Variants in SH3PXD2A observed in about 807,000 individuals in gnomAD.
SH3PXD2A encodes the protein SH3 and PX domain-containing protein 2A.
A neutral mutation model predicts 115.2 loss-of-function variants in SH3PXD2A; 32 were observed. The observed-to-expected ratio is 0.28, with a 90% confidence interval of 0.21 to 0.37. The LOEUF is 0.37. Among genes scored for constraint, SH3PXD2A ranks in the 10% least tolerant of loss-of-function variants. The probability of loss-of-function intolerance (pLI) is 1.00; values close to 1 mark genes in which losing one functional copy is unlikely to be tolerated. For synonymous variants in SH3PXD2A, 610 were observed against 629.1 expected, an observed-to-expected ratio of 0.97 and a Z score of 0.45; for missense variants, 1,328 against 1,498.7, an observed-to-expected ratio of 0.89 and a Z score of 1.88.
In SH3PXD2A at chr10:103,829,867, T is replaced by C. The variant is rs562457384; in HGVS notation, c.72+25328A>G. Among the ~76,000 whole-genome samples the C allele has an allele frequency of 3.3e-5, 5 of 152,380 alleles. No homozygotes were observed. In the East Asian group the frequency reaches 9.6e-4, roughly 29 times the overall value. On this transcript the variant is annotated intron_variant, in intron 1 of 14. Transcript: ENST00000369774. ...TTGCATTAGGTAGGATTCTTTTACA[T>C]ATAATTATCCCCAGCAAATAAGACC... is the stretch of plus-strand genomic sequence containing the variant.
chr10:103,827,800 G>A (rs781546964), intron 1 of SH3PXD2A, among the ~76,000 whole-genome samples: 4 of 152,232 alleles, frequency 2.6e-5, no homozygotes, highest in Non-Finnish European at 5.9e-5. Flanking sequence ...CAGTACTGAA[G>A]TCATGGGGCC....
chr10:103,826,247 G>A (rs1436761077), intron 1 of SH3PXD2A, among the ~76,000 whole-genome samples: 1 of 152,090 alleles, frequency 6.6e-6, no homozygotes, highest in Non-Finnish European at 1.5e-5. Flanking sequence ...CATGTGTTGG[G>A]CTCCTGGCTG....
intron 5 of SH3PXD2A, among the ~76,000 whole-genome samples, chr10:103,720,777 G>A (rs72815789): frequency 0.39 from 58,713 of 152,048 alleles, 12,400 homozygotes; most frequent in African/African-American, 0.56. Context: ...AGGCTGACAC[G>A]TCGGCAGCCT....
chr10:103,714,717 G>A (rs979103589), intron 5 of SH3PXD2A, among the ~76,000 whole-genome samples: 12 of 152,202 alleles, frequency 7.9e-5, no homozygotes, highest in Non-Finnish European at 1.8e-4. Context: ...GGTCCAGCTG[G>A]CCCTCCTGCC....
intron 1 of SH3PXD2A, among the ~76,000 whole-genome samples, chr10:103,822,579 C>T (rs2039392418): frequency 2.0e-5 from 3 of 152,348 alleles, no homozygotes; most frequent in Middle Eastern, 3.4e-3. Flanking sequence ...TGCCTGTTAA[C>T]GAGGACCCCA....
At chr10:103,623,792 C>G (rs1479293528) in intron 9 of SH3PXD2A, among the ~76,000 whole-genome samples, 1 of 152,196 alleles carries the variant, frequency 6.6e-6, no homozygotes, top group African/African-American at 2.4e-5. Context: ...TGAATGGGCT[C>G]TGGGAAACAT....
At chr10:103,855,155 T>C in intron 1 of SH3PXD2A, 40 bp downstream of exon 1, 1 of 1,471,388 alleles carries the variant, frequency 6.8e-7, no homozygotes, top group African/African-American at 1.4e-5. Flanking sequence ...TCCCGGGACC[T>C]CGGGCCACCC....
chr10:103,777,833 CT>C, intron 2 of SH3PXD2A, among the ~76,000 whole-genome samples: 1 of 152,264 alleles, frequency 6.6e-6, no homozygotes, highest in Middle Eastern at 3.4e-3. Flanking sequence ...ATGGCTTGGC[CT>C]CTCTGGGTAA....
intron 1 of SH3PXD2A, among the ~76,000 whole-genome samples, chr10:103,816,695 C>G (rs1428674716): frequency 6.6e-6 from 1 of 152,140 alleles, no homozygotes; most frequent in Admixed American, 6.5e-5. Flanking sequence ...CACACAAAAA[C>G]TTGTATGCAA....
intron 1 of SH3PXD2A, among the ~76,000 whole-genome samples, chr10:103,802,044 G>A (rs145898588): frequency 4.3e-4 from 66 of 152,314 alleles, no homozygotes; most frequent in Non-Finnish European, 8.2e-4. Flanking sequence ...AAACTTTAGA[G>A]TGAATGAGAC....
chr10:103,711,452 G>T (rs1411036117), intron 5 of SH3PXD2A, among the ~76,000 whole-genome samples: 1 of 152,190 alleles, frequency 6.6e-6, no homozygotes, highest in Non-Finnish European at 1.5e-5. Context: ...CTGGGCCACT[G>T]GAATCAATAC....
At chr10:103,794,019 A>G (rs995811356) in intron 2 of SH3PXD2A, among the ~76,000 whole-genome samples, 2 of 152,234 alleles carry the variant, frequency 1.3e-5, no homozygotes, top group Non-Finnish European at 2.9e-5. Context: ...AACTCTAAAA[A>G]TGCAATGATC....
rs575853693 is a variant in SH3PXD2A, at chr10:103,617,443, G to C, written c.803-129C>G. On this transcript the variant is annotated intron_variant, in intron 10 of 14. Transcript: ENST00000369774. ...CAAGAAGGTCCACTGGGTTGGCTCT[G>C]GCTTCTCCAGGGGAGGGAAGGACCA... 3.9e-3 allele frequency: 2,597 copies of C among 667,376 alleles called. 4 individuals carry two copies. The highest frequency in any genetic ancestry group is 7.6e-3 in the Middle Eastern group (21 of 2,768). The allele number at this position is 667,376 out of a possible 1,614,324, so 41.3% of individuals were successfully genotyped here. A position where few individuals can be genotyped will look rare whatever the true frequency, so the allele number is the denominator to read the frequency against.
At chr10:103,802,725 C>T (rs985690575) in intron 1 of SH3PXD2A, among the ~76,000 whole-genome samples, 1 of 152,206 alleles carries the variant, frequency 6.6e-6, no homozygotes, top group African/African-American at 2.4e-5. Context: ...ACCTCTGCCC[C>T]CTTTCCTCCC....
intron 1 of SH3PXD2A, among the ~76,000 whole-genome samples, chr10:103,814,091 G>C (rs2039299639): frequency 1.3e-5 from 2 of 151,722 alleles, no homozygotes; most frequent in Non-Finnish European, 2.9e-5. Flanking sequence ...AGTCAGCTCT[G>C]CCTTTAAGAT....
chr10:103,652,970 C>T (rs1034817364), intron 8 of SH3PXD2A, among the ~76,000 whole-genome samples: 5 of 152,142 alleles, frequency 3.3e-5, no homozygotes, highest in Non-Finnish European at 5.9e-5. Context: ...CCAGAACCAG[C>T]GGGCCTTCTG....
intron 3 of SH3PXD2A, chr10:103,736,949 T>G (rs148882253): frequency 9.0e-5 from 41 of 457,880 alleles, no homozygotes; most frequent in Middle Eastern, 6.6e-4. Context: ...ATTGGCTCAG[T>G]GGTGGGGAGG....
chr10:103,635,397 C>T (rs913712714), intron 8 of SH3PXD2A, among the ~76,000 whole-genome samples: 3 of 152,228 alleles, frequency 2.0e-5, no homozygotes, highest in Admixed American at 1.3e-4. Flanking sequence ...CACCCTTCAG[C>T]CCAGCCTGGC....
chr10:103,778,666 G>A (rs190705277), intron 2 of SH3PXD2A, among the ~76,000 whole-genome samples: 151 of 152,330 alleles, frequency 9.9e-4, no homozygotes, highest in African/African-American at 3.4e-3. Context: ...GAATGGGGTC[G>A]CCAGTTTGAA....
Sources: allele counts gnomAD v4.1 joint callset (sites outside exome capture counted in the v4.1 genomes callset), GRCh38; gene constraint gnomAD v4.1.1; transcripts MANE v1.5; gene names NCBI Gene and HGNC (gene_info 2026-07-23, HGNC 2026-07-21).